ARHGAP28: variants seen among roughly 807,000 people sequenced by gnomAD.
The protein encoded by ARHGAP28 is Rho GTPase activating protein 28.
In ARHGAP28, 56 loss-of-function variants were observed where a neutral mutation model predicts 90.7. That is an observed-to-expected ratio of 0.62 (90% CI 0.50 to 0.77). The LOEUF (loss-of-function observed/expected upper bound fraction) is 0.77. Ranked by LOEUF, ARHGAP28 falls within the 30% of genes least tolerant of loss-of-function variation. The pLI is 0.00. For missense variants in ARHGAP28, 869 were observed against 900.9 expected, an observed-to-expected ratio of 0.96 and a Z score of 0.45; for synonymous variants, 308 against 323.3, an observed-to-expected ratio of 0.95 and a Z score of 0.51.
intron 1 of ARHGAP28, among the ~76,000 whole-genome samples, chr18:6,734,576 AATGG>A (rs1224697725): frequency 2.0e-5 from 3 of 152,206 alleles, no homozygotes; most frequent in Non-Finnish European, 2.9e-5. Flanking sequence ...ATTAAAATGG[AATGG>A]ATGATTAGAA....
chr18:6,835,862 TA>T (rs910706077), intron 2 of ARHGAP28, among the ~76,000 whole-genome samples: 8 of 151,770 alleles, frequency 5.3e-5, no homozygotes, highest in South Asian at 2.1e-4. Context: ...TACATTGATT[TA>T]AAAAAAAATC....
chr18:6,889,853 G>A (rs373738372), intron 12 of ARHGAP28, 35 bp from the exon 13 acceptor site: 1 of 1,601,540 alleles, frequency 6.2e-7, no homozygotes, highest in African/African-American at 1.3e-5. Flanking sequence ...TTTTGACAGT[G>A]TACAATTGTA....
At chr18:6,746,323 C>G (rs1247823433) in intron 1 of ARHGAP28, among the ~76,000 whole-genome samples, 2 of 152,104 alleles carry the variant, frequency 1.3e-5, no homozygotes, top group African/African-American at 4.8e-5. Context: ...TTAGGCTTTG[C>G]TGGTTGTATT....
intron 1 of ARHGAP28, among the ~76,000 whole-genome samples, chr18:6,767,571 A>G (rs2056209386): frequency 6.6e-6 from 1 of 152,188 alleles, no homozygotes; most frequent in African/African-American, 2.4e-5. Flanking sequence ...TATGAAGGAT[A>G]ACTTCACTGG....
chr18:6,749,834 A>G (rs1457682201), intron 1 of ARHGAP28, among the ~76,000 whole-genome samples: 1 of 152,174 alleles, frequency 6.6e-6, no homozygotes, highest in African/African-American at 2.4e-5. Flanking sequence ...TAAAATTAAA[A>G]ATTAGAACAT....
chr18:6,891,592 C>T (rs2057265898), intron 14 of ARHGAP28, among the ~76,000 whole-genome samples: 1 of 151,656 alleles, frequency 6.6e-6, no homozygotes, highest in African/African-American at 2.4e-5. Flanking sequence ...CCTGGAGCTA[C>T]ATTTCTTTTT....
At chr18:6,807,552 A>C (rs764393144) in intron 1 of ARHGAP28, among the ~76,000 whole-genome samples, 13 of 152,334 alleles carry the variant, frequency 8.5e-5, no homozygotes, top group Non-Finnish European at 1.5e-4. Context: ...CCCACTCTAG[A>C]GGCAAAACTC....
chr18:6,738,057 C>A (rs1352260645), intron 1 of ARHGAP28, among the ~76,000 whole-genome samples: 2 of 152,030 alleles, frequency 1.3e-5, no homozygotes. Context: ...TTTTCTGATC[C>A]CTTAGTTGAA....
At position 6,734,342 on chromosome 18, in the gene ARHGAP28, A is replaced by G. The variant is rs146595125; in HGVS notation, c.122+4399A>G. 9.9e-5 allele frequency among the ~76,000 whole-genome samples: 15 copies of G among 152,260 alleles called. 1 individual carries two copies. The East Asian group carries it at 2.9e-3, about 29-fold the overall frequency. On this transcript the variant is annotated intron_variant, in intron 1 of 17. Coordinates refer to ENST00000383472, the MANE Select transcript of ARHGAP28 (RefSeq NM_001366230.1). ...ATGAAGTACAATGTTTTTTTTGTGA[A>G]GGTATAGTAGAAAATGGCCATGATT...
intron 17 of ARHGAP28, among the ~76,000 whole-genome samples, chr18:6,910,529 C>A (rs559122433): frequency 2.6e-5 from 4 of 152,076 alleles, no homozygotes; most frequent in African/African-American, 7.2e-5. Flanking sequence ...TGCCCTCCCC[C>A]CAGACAGCCT....
chr18:6,776,987 A>C (rs2143450595), intron 1 of ARHGAP28, among the ~76,000 whole-genome samples: 1 of 152,318 alleles, frequency 6.6e-6, no homozygotes, highest in South Asian at 2.1e-4. Flanking sequence ...CAACCTAACA[A>C]GTTTGGAACA....
At chr18:6,868,524 T>C (rs1340214029) in intron 6 of ARHGAP28, among the ~76,000 whole-genome samples, 1 of 152,130 alleles carries the variant, frequency 6.6e-6, no homozygotes, top group Admixed American at 6.5e-5. Context: ...TTAAAGGCTG[T>C]TTCCCAAGTG....
chr18:6,748,522 A>G lies in ARHGAP28; in HGVS notation c.122+18579A>G, dbSNP rs1211712740. Among the ~76,000 whole-genome samples, 3 of 152,328 alleles carry G rather than the reference A, an allele frequency of 2.0e-5. No homozygotes were observed. The East Asian group carries it at 5.8e-4, about 29-fold the overall frequency. ...CTGGGCAGCATTGCCATGATGGGCA[A>G]CTTCTGTGGCTTGGATGTTTCTGGC... is the stretch of plus-strand genomic sequence containing the variant. On this transcript the variant is annotated intron_variant, in intron 1 of 17. Transcript: ENST00000383472.
intron 11 of ARHGAP28, among the ~76,000 whole-genome samples, chr18:6,884,144 G>A (rs958013158): frequency 3.3e-5 from 5 of 152,292 alleles, no homozygotes; most frequent in East Asian, 1.9e-4. Context: ...GGAGGCTGAG[G>A]TGGGCAGATC....
In ARHGAP28 at chr18:6,889,939, A is replaced by G; in HGVS notation, c.1588A>G (p.Met530Val). The change falls in exon 13 of 18, where the codon ATG becomes GTG. Residue 530 changes from methionine (M) to valine (V), a missense_variant. Coordinates refer to ENST00000383472, the MANE Select transcript of ARHGAP28 (RefSeq NM_001366230.1). ...KVIANESKNR[M>V]SLWNISTVMA... ...GATTGCCAATGAATCAAAAAACCGA[A>G]TGAGTCTGTGGAACATTTCTACAGT... 6.2e-7 allele frequency: 1 copy of G among 1,614,218 alleles called. No homozygotes were observed. Among genetic ancestry groups the G allele is most frequent in the Non-Finnish European group, 8.5e-7 (1 of 1,180,042 alleles).
intron 1 of ARHGAP28, among the ~76,000 whole-genome samples, chr18:6,740,551 T>C (rs976931866): frequency 1.6e-4 from 24 of 152,126 alleles, no homozygotes; most frequent in African/African-American, 5.6e-4. Flanking sequence ...GCCCTCAGGC[T>C]CTGGGCCCTT....
chr18:6,878,908 A>G (rs1275986731), intron 10 of ARHGAP28, among the ~76,000 whole-genome samples: 1 of 152,042 alleles, frequency 6.6e-6, no homozygotes, highest in Non-Finnish European at 1.5e-5. Flanking sequence ...CCTTTTTTGT[A>G]ATTCATCCAC....
intron 5 of ARHGAP28, among the ~76,000 whole-genome samples, chr18:6,864,206 C>T (rs1449163291): frequency 6.6e-6 from 1 of 152,106 alleles, no homozygotes; most frequent in African/African-American, 2.4e-5. Context: ...GCTGGGACTA[C>T]AAGCGCACAC....
intron 1 of ARHGAP28, 71 bp from the exon 2 acceptor site, chr18:6,824,691 A>C (rs1471222329): frequency 7.7e-7 from 1 of 1,298,024 alleles, no homozygotes; most frequent in Non-Finnish European, 1.0e-6. Context: ...AACTTAATTA[A>C]ATTTAATTTT....
Sources: gnomAD v4.1 joint callset for allele counts (sites outside exome capture counted in the v4.1 genomes callset) on GRCh38, gnomAD v4.1.1 for gene constraint, MANE v1.5 for transcripts, NCBI Gene and HGNC (gene_info 2026-07-23, HGNC 2026-07-21) for gene names.